GALK2: variants seen among roughly 807,000 people sequenced by gnomAD.
GALK2 encodes the protein galactokinase 2.
Under a neutral mutation model 52.4 loss-of-function variants are expected in GALK2, and 36 were observed. The ratio of observed to expected loss-of-function variants is 0.69; its 90% CI spans 0.53 to 0.91. The LOEUF is 0.91. Among genes scored for constraint, GALK2 ranks in the 40% least tolerant of loss-of-function variants. The pLI, the probability that GALK2 is intolerant of heterozygous loss-of-function variation, is 0.00. For missense variants in GALK2, 579 were observed against 559.1 expected, an observed-to-expected ratio of 1.04 and a Z score of -0.36; for synonymous variants, 176 against 199.1, an observed-to-expected ratio of 0.88 and a Z score of 0.98.
intron 5 of GALK2, among the ~76,000 whole-genome samples, chr15:49,276,977 T>TC (rs1567010703): frequency 7.0e-6 from 1 of 142,024 alleles, no homozygotes; most frequent in African/African-American, 2.6e-5. Context: ...TTTCTTTTTT[T>TC]TTTTTTTTTT....
rs1326122312 is a variant in GALK2, at chr15:49,164,642, G to A, written c.20+8626G>A. Among the ~76,000 whole-genome samples, 7 of 151,884 alleles carry A rather than the reference G, an allele frequency of 4.6e-5. No homozygotes were observed. The East Asian group carries it at 7.8e-4, about 17-fold the overall frequency. On this transcript the variant is annotated intron_variant, in intron 1 of 9. Coordinates refer to the GALK2 transcript ENST00000327171. ...CTAATCATACAAAAATTAGCCGAGC[G>A]TGGTGGCGCATGCCTGTAATCCCAG...
chr15:49,310,595 G>A (rs2035911390), intron 8 of GALK2, among the ~76,000 whole-genome samples: 2 of 152,100 alleles, frequency 1.3e-5, no homozygotes, highest in East Asian at 1.9e-4. Context: ...TGGGTGAGAC[G>A]ATACCTCATG....
intron 3 of GALK2, among the ~76,000 whole-genome samples, chr15:49,223,587 A>G (rs1463071552): frequency 6.6e-6 from 1 of 152,032 alleles, no homozygotes; most frequent in Non-Finnish European, 1.5e-5. Context: ...TCCCATCTTT[A>G]TGTCCCTGTG....
chr15:49,177,698 C>T, intron 1 of GALK2: 1 of 614,404 alleles, frequency 1.6e-6, no homozygotes, highest in Non-Finnish European at 2.5e-6. Flanking sequence ...CTACCAAGGC[C>T]ACGGATCTTT....
At chr15:49,350,992 T>C (rs1483812732) in intron 3 of GALK2, among the ~76,000 whole-genome samples, 1 of 152,224 alleles carries the variant, frequency 6.6e-6, no homozygotes. Context: ...ACATATATGC[T>C]ACACAGTTCT....
intron 3 of GALK2, among the ~76,000 whole-genome samples, chr15:49,357,558 C>T (rs199599626): frequency 0.25 from 36,798 of 149,796 alleles, 5,476 homozygotes; most frequent in Non-Finnish European, 0.34. Context: ...AATCTCTGAA[C>T]AGACCAATAA....
In GALK2 at chr15:49,329,556, AC is replaced by A. The variant is rs1299496611; in HGVS notation, c.*1398del. 1.3e-5 allele frequency: 13 copies of A among 984,892 alleles called. No individual in the cohort carries two copies. The highest frequency in any genetic ancestry group is 1.6e-5 in the Non-Finnish European group (13 of 829,540). The allele number at this position is 984,892 out of a possible 1,614,324, so 61.0% of individuals were successfully genotyped here. A position where few individuals can be genotyped will look rare whatever the true frequency, so the allele number is the denominator to read the frequency against. On this transcript the variant is annotated 3_prime_UTR_variant, in exon 10 of 10. Transcript: ENST00000560031. ...TTATTTCTTAAAGGATAACAGTCAT[AC>A]ATAGAATACTAGGAAAGCCAATATT...
chr15:49,304,117 T>C (rs893078882), intron 8 of GALK2, among the ~76,000 whole-genome samples: 22 of 152,228 alleles, frequency 1.4e-4, no homozygotes, highest in African/African-American at 5.3e-4. Context: ...GCATCTTCTA[T>C]AGTCATCATC....
At chr15:49,348,980 G>A (rs1250125575) in intron 3 of GALK2, among the ~76,000 whole-genome samples, 1 of 152,108 alleles carries the variant, frequency 6.6e-6, no homozygotes, top group Non-Finnish European at 1.5e-5. Context: ...GTTGAGTCAT[G>A]TTTATAATCT....
intron 3 of GALK2, among the ~76,000 whole-genome samples, chr15:49,355,019 A>G (rs562716028): frequency 3.7e-4 from 56 of 151,674 alleles, no homozygotes; most frequent in Non-Finnish European, 5.6e-4. Flanking sequence ...ACAGACCTGC[A>G]GCTGAGGGTC....
intron 9 of GALK2, among the ~76,000 whole-genome samples, chr15:49,324,647 G>A (rs990811403): frequency 6.6e-6 from 1 of 152,094 alleles, no homozygotes; most frequent in Non-Finnish European, 1.5e-5. Context: ...TGTCTAACCT[G>A]GCTGTAAAAA....
At chr15:49,354,405 G>A (rs1040541327) in intron 3 of GALK2, among the ~76,000 whole-genome samples, 24 of 152,168 alleles carry the variant, frequency 1.6e-4, no homozygotes, top group African/African-American at 4.8e-4. Context: ...TGCGTGAGCC[G>A]AAGCAGGGCG....
chr15:49,226,087 G>A (rs189170762), intron 3 of GALK2, among the ~76,000 whole-genome samples: 185 of 152,314 alleles, frequency 1.2e-3, no homozygotes, highest in African/African-American at 4.3e-3. Context: ...GGAAGAAGGG[G>A]AGCGTTGGGG....
In GALK2 at chr15:49,256,510, T is replaced by A. The variant is rs114683339; in HGVS notation, c.504+17143T>A. 6.4e-3 allele frequency among the ~76,000 whole-genome samples: 969 copies of A among 152,298 alleles called. 15 individuals carry two copies. The highest frequency in any genetic ancestry group is 0.022 in the African/African-American group (914 of 41,576). On this transcript the variant is annotated intron_variant, in intron 5 of 9. Coordinates refer to ENST00000560031, the MANE Select transcript of GALK2 (RefSeq NM_002044.4). ...TTCTCTAGTCATGTAGTTAGCACATTGGAAGCAAGAAAAGATAAACAGTAC... is the reference window on the plus strand; with the variant it reads ...TTCTCTAGTCATGTAGTTAGCACATAGGAAGCAAGAAAAGATAAACAGTAC...
At chr15:49,216,840 A>G (rs2089418631) in intron 2 of GALK2, among the ~76,000 whole-genome samples, 1 of 152,058 alleles carries the variant, frequency 6.6e-6, no homozygotes, top group South Asian at 2.1e-4. Context: ...TCCCCCAAAC[A>G]CAGTTTCTCT....
downstream of GALK2, among the ~76,000 whole-genome samples, chr15:49,332,804 A>AGGTTT: frequency 6.6e-6 from 1 of 152,308 alleles, no homozygotes; most frequent in East Asian, 1.9e-4. Context: ...GGCCTAGCCA[A>AGGTTT]GGTTTCTTCA....
intron 8 of GALK2, among the ~76,000 whole-genome samples, chr15:49,318,630 A>G (rs1021408369): frequency 2.1e-4 from 32 of 151,724 alleles, no homozygotes; most frequent in African/African-American, 7.7e-4. Flanking sequence ...ATAATGCTGC[A>G]ATATATATAT....
chr15:49,287,749 C>T (rs1217803808), intron 7 of GALK2, among the ~76,000 whole-genome samples: 1 of 152,188 alleles, frequency 6.6e-6, no homozygotes, highest in African/African-American at 2.4e-5. Flanking sequence ...TAGGGCTCCA[C>T]ATGGCAAAGT....
At chr15:49,264,419 A>T (rs574102850) in intron 5 of GALK2, among the ~76,000 whole-genome samples, 1 of 152,208 alleles carries the variant, frequency 6.6e-6, no homozygotes, top group Admixed American at 6.5e-5. Context: ...TTTCAGCTCC[A>T]TCAGCTCCTT....
Sources: gnomAD v4.1 joint callset for allele counts (sites outside exome capture counted in the v4.1 genomes callset) on GRCh38, gnomAD v4.1.1 for gene constraint, MANE v1.5 for transcripts, NCBI Gene and HGNC (gene_info 2026-07-23, HGNC 2026-07-21) for gene names.